POU2F1: variants seen among roughly 807,000 people sequenced by gnomAD.
POU2F1 encodes POU domain, class 2, transcription factor 1.
A neutral mutation model predicts 84.9 loss-of-function variants in POU2F1; 16 were observed. The observed-to-expected ratio is 0.19, with a 90% confidence interval of 0.13 to 0.29. The LOEUF is 0.29. Ranked by LOEUF, POU2F1 falls within the 10% of genes least tolerant of loss-of-function variation. The probability of loss-of-function intolerance (pLI) is 1.00; values close to 1 mark genes in which losing one functional copy is unlikely to be tolerated. For synonymous variants in POU2F1, 368 were observed against 368.3 expected (o/e 1.00, Z 0.01); for missense variants, 738 against 942.6 (o/e 0.78, Z 2.84).
chr1:167,406,853 TAAA>T (rs1293498045), intron 13 of POU2F1, among the ~76,000 whole-genome samples: 1 of 152,036 alleles, frequency 6.6e-6, no homozygotes, highest in East Asian at 1.9e-4. Flanking sequence ...TGAAAGAAGT[TAAA>T]AGAAGTCTAA....
intron 1 of POU2F1, among the ~76,000 whole-genome samples, chr1:167,279,134 A>G (rs1652942201): frequency 1.3e-5 from 2 of 152,226 alleles, no homozygotes; most frequent in South Asian, 4.1e-4. Flanking sequence ...TGTTAAATGA[A>G]CACACATTAT....
At chr1:167,314,214 C>A (rs568303800) in intron 1 of POU2F1, among the ~76,000 whole-genome samples, 371 of 146,374 alleles carry the variant, frequency 2.5e-3, no homozygotes, top group Non-Finnish European at 4.1e-3. Flanking sequence ...AAAAAAAAAA[C>A]AAAACTTCAA....
At chr1:167,371,866 T>G in intron 4 of POU2F1, 51 bp from the exon 5 acceptor site, 1 of 1,608,024 alleles carries the variant, frequency 6.2e-7, no homozygotes, top group Non-Finnish European at 8.5e-7. Context: ...TAAGTACATT[T>G]CTTTTAATCA....
intron 15 of POU2F1, 72 bp from the exon 16 acceptor site, chr1:167,415,428 G>T (rs1274699621): frequency 6.8e-7 from 1 of 1,475,504 alleles, no homozygotes; most frequent in Non-Finnish European, 9.3e-7. Flanking sequence ...GACTTTTGAT[G>T]TGTTATTTGG....
intron 1 of POU2F1, among the ~76,000 whole-genome samples, chr1:167,278,552 A>T (rs975393610): frequency 6.6e-6 from 1 of 152,228 alleles, no homozygotes; most frequent in Non-Finnish European, 1.5e-5. Flanking sequence ...TTAGGCTTCA[A>T]CGATGAAGAT....
intron 1 of POU2F1, among the ~76,000 whole-genome samples, chr1:167,229,482 C>A (rs111892142): frequency 9.9e-5 from 15 of 152,078 alleles, no homozygotes; most frequent in Admixed American, 3.3e-4. Context: ...TATGCTCATG[C>A]CACTGTGCGT....
intron 1 of POU2F1, among the ~76,000 whole-genome samples, chr1:167,310,604 A>G (rs1655397455): frequency 6.6e-6 from 1 of 152,144 alleles, no homozygotes; most frequent in African/African-American, 2.4e-5. Flanking sequence ...CCAAGCAGAA[A>G]TGTCCATGTA....
chr1:167,404,393 C>T (rs1159227858), intron 13 of POU2F1, among the ~76,000 whole-genome samples: 13 of 151,970 alleles, frequency 8.6e-5, no homozygotes, highest in East Asian at 7.7e-4. Flanking sequence ...TGGAAGGGCT[C>T]GCGGTGAGCT....
chr1:167,232,996 G>A (rs190385017), intron 1 of POU2F1, among the ~76,000 whole-genome samples: 34 of 152,128 alleles, frequency 2.2e-4, no homozygotes, highest in Non-Finnish European at 3.8e-4. Context: ...TCGCTCACTC[G>A]TCATTCATTG....
intron 1 of POU2F1, among the ~76,000 whole-genome samples, chr1:167,266,287 C>T (rs10918673): frequency 0.42 from 64,562 of 152,016 alleles, 16,560 homozygotes; most frequent in East Asian, 0.69. Context: ...AATTATCTTC[C>T]GAAGGTGGAT....
intron 8 of POU2F1, among the ~76,000 whole-genome samples, chr1:167,384,755 C>A (rs12130236): frequency 0.72 from 109,284 of 151,772 alleles, 39,567 homozygotes; most frequent in East Asian, 0.87. Context: ...CATCATACTT[C>A]ACGAAAAACT....
intron 2 of POU2F1, among the ~76,000 whole-genome samples, chr1:167,333,357 T>A (rs1418249037): frequency 2.0e-5 from 3 of 152,162 alleles, no homozygotes; most frequent in Non-Finnish European, 2.9e-5. Flanking sequence ...AATCAAAATA[T>A]GAAACCAAAT....
chr1:167,299,272 T>C (rs938713852), intron 1 of POU2F1, among the ~76,000 whole-genome samples: 4 of 151,986 alleles, frequency 2.6e-5, no homozygotes, highest in African/African-American at 9.7e-5. Context: ...TCTTGTAGTA[T>C]ATATGAAGGC....
At chr1:167,318,306 T>C (rs113325842) in intron 1 of POU2F1, among the ~76,000 whole-genome samples, 3,761 of 152,306 alleles carry the variant, frequency 0.025, 149 homozygotes, top group African/African-American at 0.083. Context: ...TAATAGGAAC[T>C]CTTGCCATAC....
At chr1:167,311,709 A>AT (rs1229197659) in intron 1 of POU2F1, among the ~76,000 whole-genome samples, 2 of 151,964 alleles carry the variant, frequency 1.3e-5, no homozygotes, top group Non-Finnish European at 2.9e-5. Context: ...GAAAGAAAAT[A>AT]TTTTTTGTGC....
intron 2 of POU2F1, among the ~76,000 whole-genome samples, chr1:167,335,759 G>A (rs746988121): frequency 5.9e-5 from 9 of 152,044 alleles, no homozygotes; most frequent in South Asian, 2.1e-4. Context: ...ACTTTATGTC[G>A]TAATTTTTAA....
chr1:167,234,634 C>T (rs558202351), intron 1 of POU2F1, among the ~76,000 whole-genome samples: 16 of 152,182 alleles, frequency 1.1e-4, no homozygotes, highest in South Asian at 4.1e-4. Flanking sequence ...TTCTGGATGC[C>T]GAAGCAGGAG....
chr1:167,369,145 T>A (rs1659858358), intron 3 of POU2F1, among the ~76,000 whole-genome samples: 3 of 152,208 alleles, frequency 2.0e-5, no homozygotes, highest in South Asian at 4.1e-4. Flanking sequence ...TTGACTGTTT[T>A]GAACAGTGTA....
chr1:167,284,552 T>C (rs1653385776), intron 1 of POU2F1, among the ~76,000 whole-genome samples: 1 of 152,242 alleles, frequency 6.6e-6, no homozygotes, highest in African/African-American at 2.4e-5. Flanking sequence ...TATTCTACTG[T>C]ATTCACTTTG....
Sources: gnomAD v4.1 joint callset for allele counts (sites outside exome capture counted in the v4.1 genomes callset) on GRCh38, gnomAD v4.1.1 for gene constraint, MANE v1.5 for transcripts, NCBI Gene and HGNC (gene_info 2026-07-23, HGNC 2026-07-21) for gene names.